RGS12: variants seen among roughly 807,000 people sequenced by gnomAD.
RGS12 encodes the protein regulator of G-protein signaling 12.
RGS12 carries 66 observed loss-of-function variants against 120.1 expected under a neutral mutation model. The ratio of observed to expected loss-of-function variants is 0.55; its 90% CI spans 0.45 to 0.67. The LOEUF (loss-of-function observed/expected upper bound fraction) is 0.67. RGS12 is among the 30% of genes least tolerant of loss of function. The probability of loss-of-function intolerance (pLI) is 0.00; values close to 1 mark genes in which losing one functional copy is unlikely to be tolerated. For synonymous variants in RGS12, 827 were observed against 804.7 expected (o/e 1.03, Z -0.47); for missense variants, 1,859 against 1,957.7 (o/e 0.95, Z 0.95).
intron 4 of RGS12, among the ~76,000 whole-genome samples, chr4:3,387,107 G>A (rs975428432): frequency 6.6e-6 from 1 of 152,176 alleles, no homozygotes; most frequent in African/African-American, 2.4e-5. Flanking sequence ...TAACACTCCT[G>A]ACAGTCCGCA....
At chr4:3,309,906 A>T (rs56359978) in intron 1 of RGS12, among the ~76,000 whole-genome samples, 1,064 of 65,464 alleles carry the variant, frequency 0.016, 5 homozygotes, top group African/African-American at 0.056. Context: ...GGAACCGTGC[A>T]GGGGAGGAGC....
intron 15 of RGS12, 170 bp from the exon 16 acceptor site, chr4:3,428,388 A>T: frequency 1.3e-6 from 1 of 768,722 alleles, no homozygotes; most frequent in Non-Finnish European, 2.2e-6. Context: ...GTTGTGCCTT[A>T]AATGCTATTC....
chr4:3,414,006 G>C, intron 4 of RGS12, 66 bp from the exon 5 acceptor site: 1 of 1,455,458 alleles, frequency 6.9e-7, no homozygotes, highest in African/African-American at 1.4e-5. Flanking sequence ...CCTGTGGGCG[G>C]GCAGAGCAGT....
intron 4 of RGS12, 125 bp from the exon 5 acceptor site, chr4:3,413,947 A>G: frequency 1.0e-6 from 1 of 957,866 alleles, no homozygotes; most frequent in Non-Finnish European, 1.5e-6. Context: ...ATAGTTGTTG[A>G]CTGAATGGGT....
chr4:3,312,417 C>G (rs573532899), intron 1 of RGS12: 29 of 200,698 alleles, frequency 1.4e-4, no homozygotes, highest in African/African-American at 6.0e-4. Flanking sequence ...GCCCCTTTGC[C>G]CACGTGGTGA....
Position 3,433,054 on chromosome 4 carries a change from A to G in RGS12, c.4114+2099A>G, listed in dbSNP as rs1450653429. Among the ~76,000 whole-genome samples, 3 of 152,224 alleles carry G rather than the reference A, an allele frequency of 2.0e-5. No homozygotes were observed. The highest frequency in any genetic ancestry group is 4.8e-5 in the African/African-American group (2 of 41,462). ...TCTGTATTGGAGAGTTCACCTGCCC[A>G]TGGCGGCAAAGGAAACAGGCTGTGA... On this transcript the variant is annotated intron_variant, in intron 17 of 17. Transcript: ENST00000336727. The surrounding 1 kb of genome is among the most constrained non-coding windows in gnomAD (Gnocchi z 4.4).
chr4:3,415,943 G>A (rs752745685), intron 6 of RGS12, 35 bp from the exon 7 acceptor site: 1 of 1,578,790 alleles, frequency 6.3e-7, no homozygotes, highest in South Asian at 1.2e-5. Flanking sequence ...GGGAGAGGAA[G>A]CCTTGCCGGG....
At chr4:3,387,847 A>G (rs79731726) in intron 4 of RGS12, among the ~76,000 whole-genome samples, 3,061 of 152,336 alleles carry the variant, frequency 0.02, 108 homozygotes, top group African/African-American at 0.064. Context: ...TAGTTTCACC[A>G]TATATAATAA....
chr4:3,349,365 G>A (rs1309152188), intron 3 of RGS12, among the ~76,000 whole-genome samples: 1 of 152,082 alleles, frequency 6.6e-6, no homozygotes, highest in Non-Finnish European at 1.5e-5. Flanking sequence ...TTACCACACA[G>A]GAGTCTTTGT....
At chr4:3,310,199 G>A in intron 1 of RGS12, among the ~76,000 whole-genome samples, 1 of 151,170 alleles carries the variant, frequency 6.6e-6, no homozygotes. Flanking sequence ...CCCGGGAATG[G>A]CAGGTGTCCG....
intron 1 of RGS12, among the ~76,000 whole-genome samples, chr4:3,299,513 G>T (rs1413852173): frequency 2.0e-5 from 3 of 152,158 alleles, no homozygotes; most frequent in Non-Finnish European, 4.4e-5. Flanking sequence ...TGTGTCTTGT[G>T]TCTGGTTGGA....
chr4:3,383,252 T>C (rs1718455771), intron 3 of RGS12, among the ~76,000 whole-genome samples: 1 of 152,116 alleles, frequency 6.6e-6, no homozygotes, highest in Non-Finnish European at 1.5e-5. Flanking sequence ...TCCCCCTCTG[T>C]TCCTTCCTCG....
At chr4:3,292,977 C>CCTCCGGCCTCGG (rs1403093911), upstream of RGS12, 2 of 149,986 alleles carry the variant, frequency 1.3e-5, no homozygotes, top group Non-Finnish European at 3.0e-5. Flanking sequence ...CCCCGCCCCT[C>CCTCCGGCCTCGG]CTCCGGCCTC....
Position 3,317,407 on chromosome 4 carries a change from C to T in RGS12, c.1237C>T (p.His413Tyr), listed in dbSNP as rs992077859. 1.2e-6 allele frequency: 2 copies of T among 1,614,060 alleles called. No individual in the cohort carries two copies. The highest frequency in any genetic ancestry group is 1.7e-6 in the Non-Finnish European group (2 of 1,180,040). Residue 413 changes from histidine to tyrosine, a missense_variant, in exon 2 of 18, where the codon CAC (histidine) becomes TAC (tyrosine). Transcript: ENST00000336727. ...CTTTCTGGACGGGGACGCCGATGCC[C>T]ACCAGAACAACAGCACCAGCAGCAA... ...RAFLDGDADA[H>Y]QNNSTSSNSD...
At chr4:3,416,208 C>A in intron 7 of RGS12, 87 bp downstream of exon 7, 1 of 1,471,748 alleles carries the variant, frequency 6.8e-7, no homozygotes, top group Non-Finnish European at 9.3e-7. Context: ...TGCTATCAGG[C>A]AGGCCAGTGG....
At chr4:3,430,988 C>G in intron 17 of RGS12, 33 bp downstream of exon 17, 2 of 1,605,690 alleles carry the variant, frequency 1.2e-6, no homozygotes, top group South Asian at 2.2e-5. Flanking sequence ...CCACCTTGGC[C>G]CCGTAAGCGT....
At position 3,316,223 on chromosome 4, in the gene RGS12, C is replaced by T; in HGVS notation, c.53C>T (p.Pro18Leu). The change falls in exon 2 of 18, where the codon CCA becomes CTA. Residue 18 changes from proline (P) to leucine (L), a missense_variant. By Grantham distance (98) the Pro-to-Leu change is moderately conservative. Around this residue, in one of 3 missense-constraint regions of RGS12, gnomAD observed 967 missense variants for 994.2 expected, o/e 0.97. Coordinates refer to ENST00000336727, the MANE Select transcript of RGS12 (RefSeq NM_001394154.1). ...SKRPLPGPSP[P>L]RVRSVEVARG... ...CGCCCATTGCCTGGGCCGTCGCCCC[C>T]AAGGGTGCGGAGTGTGGAGGTTGCC... The T allele has an allele frequency of 6.2e-7, 1 of 1,607,558 alleles. No individual in the cohort carries two copies. Among genetic ancestry groups the T allele is most frequent in the Non-Finnish European group, 8.5e-7 (1 of 1,175,862 alleles).
At chr4:3,306,200 C>G (rs1723958321) in intron 1 of RGS12, among the ~76,000 whole-genome samples, 1 of 152,218 alleles carries the variant, frequency 6.6e-6, no homozygotes, top group Non-Finnish European at 1.5e-5. Context: ...GTGCTCAGCA[C>G]ACAGCACCAT....
rs1385397447 is a variant in RGS12 at position 3,420,505 on chromosome 4, G to T, written c.2762-137G>T. 3 of 801,940 alleles carry T rather than the reference G, an allele frequency of 3.7e-6. No homozygotes were observed. The African/African-American group carries it at 5.2e-5, about 14-fold the overall frequency. The allele number at this position is 801,940 out of a possible 1,614,324, so 49.7% of individuals were successfully genotyped here. On this transcript the variant is annotated intron_variant, in intron 9 of 17. Coordinates refer to ENST00000336727, the MANE Select transcript of RGS12 (RefSeq NM_001394154.1). The stretch of plus-strand genomic sequence containing the variant: ...ACTCGTCTCCACCAGAGACGGCAAA[G>T]TGATGCCTGGTGGGGGATGGGTGGG...
Sources: allele counts gnomAD v4.1 joint callset (sites outside exome capture counted in the v4.1 genomes callset), GRCh38; gene constraint gnomAD v4.1.1; regional missense constraint gnomAD v4.1.1; non-coding constraint Gnocchi (gnomAD v3.1); transcripts MANE v1.5; gene names NCBI Gene and HGNC (gene_info 2026-07-23, HGNC 2026-07-21).